The following LYST variants were observed in gnomAD, a reference collection of about 807,000 sequenced individuals.
LYST encodes the protein lysosomal trafficking regulator, also known as lysosomal-trafficking regulator.
Under a neutral mutation model 413.6 loss-of-function variants are expected in LYST, and 192 were observed. The ratio of observed to expected loss-of-function variants is 0.46; its 90% CI spans 0.41 to 0.52. The LOEUF (loss-of-function observed/expected upper bound fraction) is 0.52, where lower values mean the gene tolerates loss of function less well. Ranked by LOEUF, LYST falls within the 20% of genes least tolerant of loss-of-function variation. The pLI is 0.00. For synonymous variants in LYST, 1,525 were observed against 1,567.3 expected, an observed-to-expected ratio of 0.97 and a Z score of 0.64; for missense variants, 3,815 against 4,499.9, an observed-to-expected ratio of 0.85 and a Z score of 4.35.
chr1:235,742,176 C>T (rs1157930073), intron 30 of LYST, among the ~76,000 whole-genome samples: 2 of 152,058 alleles, frequency 1.3e-5, no homozygotes, highest in Non-Finnish European at 1.5e-5. Flanking sequence ...AAGTTCCGGC[C>T]GGGTGTGGTG....
At chr1:235,779,203 C>G (rs1203765393) in intron 16 of LYST, among the ~76,000 whole-genome samples, 1 of 152,186 alleles carries the variant, frequency 6.6e-6, no homozygotes, top group Non-Finnish European at 1.5e-5. Flanking sequence ...GTTTCACAAG[C>G]TTATAACTCC....
chr1:235,874,020 CTT>C, intron 1 of LYST, among the ~76,000 whole-genome samples: 1 of 152,292 alleles, frequency 6.6e-6, no homozygotes, highest in East Asian at 1.9e-4. Context: ...TAGAATAACA[CTT>C]GACCACTTCA....
chr1:235,762,322 C>T (rs1259219940), intron 22 of LYST, among the ~76,000 whole-genome samples: 2 of 151,964 alleles, frequency 1.3e-5, no homozygotes, highest in Non-Finnish European at 2.9e-5. Flanking sequence ...GCATGCAGAG[C>T]GGTAAGACAA....
At chr1:235,689,032 C>T (rs376674011) in intron 47 of LYST, among the ~76,000 whole-genome samples, 17 of 134,730 alleles carry the variant, frequency 1.3e-4, no homozygotes, top group East Asian at 6.1e-4. Context: ...ATAATAACAA[C>T]AACAACAACA....
intron 6 of LYST, 112 bp from the exon 7 acceptor site, chr1:235,804,777 C>A: frequency 1.4e-6 from 1 of 690,038 alleles, no homozygotes; most frequent in Non-Finnish European, 2.4e-6. Flanking sequence ...CATTTATTTG[C>A]AGTTGATATG....
chr1:235,742,621 C>T (rs560422820), intron 30 of LYST, among the ~76,000 whole-genome samples: 12 of 148,690 alleles, frequency 8.1e-5, no homozygotes, highest in African/African-American at 2.2e-4. Context: ...ACATGGACAA[C>T]GAAGCTAAAG....
At position 235,810,584 on chromosome 1, in the gene LYST, C is replaced by G. The variant is rs768951933; in HGVS notation, c.284-50G>C. ...TAGAATACCTCAATATGTTTTAAAA[C>G]TCAATTTTAAGGTGACAGCCCTCTT... On this transcript the variant is annotated intron_variant, in intron 4 of 52. Transcript: ENST00000389793. The G allele has an allele frequency of 2.0e-6, 3 of 1,531,816 alleles. No individual in the cohort carries two copies. In the Admixed American group the frequency reaches 5.1e-5, roughly 26 times the overall value. The allele number at this position is 1,531,816 out of a possible 1,614,324, so 94.9% of individuals were successfully genotyped here.
intron 3 of LYST, among the ~76,000 whole-genome samples, chr1:235,821,597 C>T (rs1001462181): frequency 2.6e-5 from 4 of 152,160 alleles, no homozygotes; most frequent in African/African-American, 9.7e-5. Context: ...AAACATTATG[C>T]TAACAGTTTT....
chr1:235,720,527 G>C (rs1422159848), intron 40 of LYST, 134 bp downstream of exon 40: 1 of 849,988 alleles, frequency 1.2e-6, no homozygotes, highest in East Asian at 2.5e-5. Flanking sequence ...GTTGAACCAG[G>C]GTGATAGGTA....
rs113710275 is a variant in LYST, at chr1:235,727,978, A to C, written c.9162+98T>G. On this transcript the variant is annotated intron_variant, in intron 38 of 52. Coordinates refer to ENST00000389793, the MANE Select transcript of LYST (RefSeq NM_000081.4). ...TCTATACATAGAGTGACAAAGAATG[A>C]ACTCTAATAGTTCTTCCTTCTCTCT... 498 of 886,950 alleles carry C rather than the reference A, an allele frequency of 5.6e-4. No individual in the cohort carries two copies. The African/African-American group carries it at 7.7e-3, about 14-fold the overall frequency. 54.9% of individuals were successfully genotyped at this position (886,950 alleles called of 1,614,324 possible).
chr1:235,712,949 T>C (rs889968911), intron 42 of LYST: 1 of 985,254 alleles, frequency 1.0e-6, no homozygotes, highest in African/African-American at 1.7e-5. Context: ...CTGAAAACAG[T>C]AGCAGTTTAC....
Position 235,697,254 on chromosome 1 carries a change from T to G in LYST, c.10393A>C (p.Lys3465Gln), listed in dbSNP as rs904785718. The G allele has an allele frequency of 1.2e-6, 2 of 1,613,940 alleles. No individual in the cohort carries two copies. The highest frequency in any genetic ancestry group is 2.2e-5 in the South Asian group (2 of 91,066). ...ITYPSPLSWI[K>Q]GLKWGEYVGS... Reference sequence around the variant, plus strand: ...ACGTATTCCCCCCATTTCAAGCCTTTTATCCATGACAAAGGACTCTAAAAT... The same window carrying G: ...ACGTATTCCCCCCATTTCAAGCCTTGTATCCATGACAAAGGACTCTAAAAT... Residue 3465 changes from lysine to glutamine, a missense_variant, in exon 46 of 53, where the codon AAA (lysine) becomes CAA (glutamine). By Grantham distance (53) the Lys-to-Gln change is moderately conservative. Coordinates refer to ENST00000389793, the MANE Select transcript of LYST (RefSeq NM_000081.4).
At chr1:235,749,184 A>C (rs887378113) in intron 28 of LYST, among the ~76,000 whole-genome samples, 1 of 152,188 alleles carries the variant, frequency 6.6e-6, no homozygotes, top group Non-Finnish European at 1.5e-5. Context: ...GAAACAGAAG[A>C]GCTTCAGTAT....
intron 30 of LYST, among the ~76,000 whole-genome samples, chr1:235,743,042 A>G (rs1665572858): frequency 6.6e-6 from 1 of 151,958 alleles, no homozygotes; most frequent in African/African-American, 2.4e-5. Context: ...GTGAAAAAAA[A>G]TAGTATATAC....
At chr1:235,821,629 G>A (rs1674760446) in intron 3 of LYST, among the ~76,000 whole-genome samples, 1 of 152,162 alleles carries the variant, frequency 6.6e-6, no homozygotes, top group Non-Finnish European at 1.5e-5. Flanking sequence ...ACCAGGAATT[G>A]CAACCTTTTT....
chr1:235,690,911 GTTTC>G (rs1572004531), intron 47 of LYST, among the ~76,000 whole-genome samples: 1 of 134,638 alleles, frequency 7.4e-6, no homozygotes, highest in Admixed American at 7.2e-5. Context: ...CAGTTTACAA[GTTTC>G]TTTTTTTTTT....
At chr1:235,731,508 T>G (rs1028231136) in intron 34 of LYST, among the ~76,000 whole-genome samples, 1 of 152,106 alleles carries the variant, frequency 6.6e-6, no homozygotes, top group Non-Finnish European at 1.5e-5. Flanking sequence ...TTTAATATGG[T>G]TAGGTAAATT....
Position 235,782,020 on chromosome 1 carries a change from T to A in LYST, c.4930A>T (p.Thr1644Ser). The A allele has an allele frequency of 6.2e-7, 1 of 1,612,888 alleles. No homozygotes were observed. Among genetic ancestry groups the A allele is most frequent in the Non-Finnish European group, 8.5e-7 (1 of 1,178,918 alleles). Residue 1644 changes from threonine (T) to serine (S), a missense_variant, in exon 15 of 53, where the codon ACA becomes TCA. Coordinates refer to ENST00000389793, the MANE Select transcript of LYST (RefSeq NM_000081.4). Reference protein sequence around the residue: ...KTSLSSDSNKTFCMIGHCLSS... With the variant: ...KTSLSSDSNKSFCMIGHCLSS... ...AAACAATGGCCAATCATGCAAAATGTTTTATTGCTATCAGATGACAAACTT... is the reference window on the plus strand; with the variant it reads ...AAACAATGGCCAATCATGCAAAATGATTTATTGCTATCAGATGACAAACTT...
chr1:235,823,370 A>G (rs1674987662), intron 3 of LYST, among the ~76,000 whole-genome samples: 1 of 152,240 alleles, frequency 6.6e-6, no homozygotes, highest in Non-Finnish European at 1.5e-5. Flanking sequence ...TAGATATAGT[A>G]AATTAATGCT....
Sources: allele counts gnomAD v4.1 joint callset (sites outside exome capture counted in the v4.1 genomes callset), GRCh38; gene constraint gnomAD v4.1.1; transcripts MANE v1.5; gene names NCBI Gene and HGNC (gene_info 2026-07-23, HGNC 2026-07-21).